The following AUH variants were observed in gnomAD, a reference collection of about 807,000 sequenced individuals.
AUH encodes the protein methylglutaconyl-CoA hydratase, mitochondrial.
In AUH, 29 loss-of-function variants were observed where a neutral mutation model predicts 42.3. The observed-to-expected ratio is 0.69, with a 90% confidence interval of 0.51 to 0.93. The LOEUF (loss-of-function observed/expected upper bound fraction) is 0.93, where lower values mean the gene tolerates loss of function less well. Among genes scored for constraint, AUH ranks in the 40% least tolerant of loss-of-function variants. AUH has a pLI of 0.00. For synonymous variants in AUH, 174 were observed against 166.4 expected (o/e 1.05, Z -0.35); for missense variants, 452 against 438.1 (o/e 1.03, Z -0.28).
intron 7 of AUH, 113 bp downstream of exon 7, chr9:91,220,692 T>C (rs1051531479): frequency 1.7e-6 from 2 of 1,147,562 alleles, no homozygotes; most frequent in Admixed American, 2.0e-5. Flanking sequence ...CGCATCCCTT[T>C]ACTTGGAAGC....
chr9:91,292,154 T>C (rs1302698736), intron 6 of AUH, among the ~76,000 whole-genome samples: 2 of 152,174 alleles, frequency 1.3e-5, no homozygotes, highest in African/African-American at 4.8e-5. Context: ...CATCTATTTT[T>C]TTCATAGGAA....
chr9:91,307,216 G>A (rs1344101401), intron 4 of AUH, among the ~76,000 whole-genome samples: 3 of 151,982 alleles, frequency 2.0e-5, no homozygotes, highest in African/African-American at 7.3e-5. Flanking sequence ...ACTTTAATAT[G>A]GGCAATTTAT....
At chr9:91,340,290 C>T (rs749135038) in intron 3 of AUH, among the ~76,000 whole-genome samples, 2 of 151,952 alleles carry the variant, frequency 1.3e-5, no homozygotes, top group Non-Finnish European at 2.9e-5. Context: ...CAAAACAAAA[C>T]CAATTGACAG....
At chr9:91,301,709 A>C (rs1051217356) in intron 4 of AUH, among the ~76,000 whole-genome samples, 1 of 152,214 alleles carries the variant, frequency 6.6e-6, no homozygotes, top group East Asian at 1.9e-4. Context: ...GGTGAGGACC[A>C]GGGCCTGCAG....
chr9:91,304,426 T>C (rs1163734973), intron 4 of AUH, among the ~76,000 whole-genome samples: 1 of 152,148 alleles, frequency 6.6e-6, no homozygotes, highest in Non-Finnish European at 1.5e-5. Flanking sequence ...AGGGTCCAAC[T>C]CCTCCCTAAT....
intron 3 of AUH, among the ~76,000 whole-genome samples, chr9:91,332,478 G>C (rs776199486): frequency 1.3e-5 from 2 of 152,068 alleles, no homozygotes; most frequent in Non-Finnish European, 2.9e-5. Context: ...CTCCAGCCTG[G>C]GCAACAGAGC....
At chr9:91,317,427 G>A (rs1035352850) in intron 4 of AUH, among the ~76,000 whole-genome samples, 1 of 151,996 alleles carries the variant, frequency 6.6e-6, no homozygotes, top group African/African-American at 2.4e-5. Context: ...ACTCATTTTT[G>A]TTCCTACTTT....
At chr9:91,230,057 G>A in intron 6 of AUH, among the ~76,000 whole-genome samples, 4 of 148,140 alleles carry the variant, frequency 2.7e-5, no homozygotes, top group African/African-American at 7.5e-5. Flanking sequence ...TTCTCGAGGA[G>A]TATCTTTGTG....
Position 91,361,714 on chromosome 9 carries a change from C to A in AUH, c.176G>T (p.Gly59Val). Residue 59 changes from glycine to valine, a missense_variant, in exon 1 of 10, where the codon GGG becomes GTG. Gly to Val is a moderately radical substitution (Grantham distance 109). Coordinates refer to ENST00000375731, the MANE Select transcript of AUH (RefSeq NM_001698.3). ...IWAQGWVPAA[G>V]GPAPKRGYSS... Reference sequence around the variant, plus strand: ...GTAGCCCCTTTTCGGGGCGGGACCCCCGGCCGCAGGTACCCAGCCCTGGGC... The same window carrying A: ...GTAGCCCCTTTTCGGGGCGGGACCCACGGCCGCAGGTACCCAGCCCTGGGC... The A allele has an allele frequency of 6.4e-7, 1 of 1,552,460 alleles. No individual in the cohort carries two copies. Among genetic ancestry groups the A allele is most frequent in the Non-Finnish European group, 8.7e-7 (1 of 1,148,410 alleles).
chr9:91,316,171 A>T (rs1829140627), intron 4 of AUH, among the ~76,000 whole-genome samples: 1 of 152,202 alleles, frequency 6.6e-6, no homozygotes, highest in Non-Finnish European at 1.5e-5. Context: ...CTGCAGAACA[A>T]TGTGGTTTCA....
Position 91,257,799 on chromosome 9 carries a change from C to T in AUH, c.656-36807G>A, listed in dbSNP as rs982810571. ...CCACCTTGCCATTGTACACAAAAAT[C>T]GCTGTAAGTATATTATCCAGGATTG... is the stretch of plus-strand genomic sequence containing the variant. On this transcript the variant is annotated intron_variant, in intron 6 of 9. Coordinates refer to ENST00000375731, the MANE Select transcript of AUH (RefSeq NM_001698.3). Among the ~76,000 whole-genome samples, 7 of 152,184 alleles carry T rather than the reference C, an allele frequency of 4.6e-5. No homozygotes were observed. The South Asian group carries it at 1.2e-3, about 27-fold the overall frequency.
rs1383988610 is a variant in AUH, at chr9:91,213,931, T to G, written c.*417A>C. 3 of 168,854 alleles carry G rather than the reference T, an allele frequency of 1.8e-5. No homozygotes were observed. The highest frequency in any genetic ancestry group is 1.7e-4 in the Admixed American group (3 of 17,368). The allele number at this position is 168,854 out of a possible 1,614,324, so 10.5% of individuals were successfully genotyped here. ...GTAGCTGTTCGTATGCATTAATCAC[T>G]TAGAAACTTTATTTGGTATAACTTC... On this transcript the variant is annotated 3_prime_UTR_variant, in exon 10 of 10. Transcript: ENST00000375731.
At chr9:91,325,297 G>C (rs373505968) in intron 4 of AUH, 21 bp downstream of exon 4, 11 of 1,600,982 alleles carry the variant, frequency 6.9e-6, no homozygotes, top group Admixed American at 3.3e-5. Context: ...CATGCTGAAA[G>C]AAGAACTTAA....
chr9:91,285,182 T>C (rs376745461), intron 6 of AUH, among the ~76,000 whole-genome samples: 2 of 151,870 alleles, frequency 1.3e-5, no homozygotes, highest in African/African-American at 4.8e-5. Context: ...AAGCTGGAAA[T>C]CATCATTCTC....
intron 4 of AUH, among the ~76,000 whole-genome samples, chr9:91,304,977 T>C (rs1828096404): frequency 1.3e-5 from 2 of 152,276 alleles, no homozygotes; most frequent in South Asian, 2.1e-4. Flanking sequence ...AAATATTACA[T>C]GGAAAAATTT....
chr9:91,283,310 C>T (rs1826126376), intron 6 of AUH, among the ~76,000 whole-genome samples: 1 of 151,920 alleles, frequency 6.6e-6, no homozygotes, highest in South Asian at 2.1e-4. Context: ...TGGGACGTAT[C>T]TCAAAATAAT....
At chr9:91,344,918 C>T (rs181534360) in intron 3 of AUH, among the ~76,000 whole-genome samples, 24 of 151,742 alleles carry the variant, frequency 1.6e-4, no homozygotes, top group Admixed American at 5.3e-4. Flanking sequence ...GATAATCAAT[C>T]AATCATTCAC....
chr9:91,314,071 G>A (rs140816862), intron 4 of AUH, among the ~76,000 whole-genome samples: 2,059 of 152,142 alleles, frequency 0.014, 19 homozygotes, highest in Non-Finnish European at 0.021. Flanking sequence ...TGATCTGCCC[G>A]CCTCAGGCTC....
intron 6 of AUH, among the ~76,000 whole-genome samples, chr9:91,276,639 A>G (rs1825566796): frequency 6.6e-6 from 1 of 152,202 alleles, no homozygotes; most frequent in South Asian, 2.1e-4. Context: ...TCTAAAGAAA[A>G]ATGCAAGTAA....
Sources: gnomAD v4.1 joint callset for allele counts (sites outside exome capture counted in the v4.1 genomes callset) on GRCh38, gnomAD v4.1.1 for gene constraint, MANE v1.5 for transcripts, NCBI Gene and HGNC (gene_info 2026-07-23, HGNC 2026-07-21) for gene names.